Variants in EXOC6B observed in about 807,000 individuals in gnomAD.
EXOC6B encodes SEC15 homolog B.
A neutral mutation model predicts 113.5 loss-of-function variants in EXOC6B; 54 were observed. The ratio of observed to expected loss-of-function variants is 0.48; its 90% CI spans 0.38 to 0.60. The LOEUF (loss-of-function observed/expected upper bound fraction) is 0.60. EXOC6B is among the 20% of genes least tolerant of loss of function. The pLI is 0.00. For missense variants in EXOC6B, 797 were observed against 977.5 expected, an observed-to-expected ratio of 0.82 and a Z score of 2.46; for synonymous variants, 357 against 339.0, an observed-to-expected ratio of 1.05 and a Z score of -0.58.
chr2:72,569,120 G>A (rs1000792516), intron 7 of EXOC6B, among the ~76,000 whole-genome samples: 2 of 151,872 alleles, frequency 1.3e-5, no homozygotes, highest in African/African-American at 4.8e-5. Context: ...TTGTCCTTTT[G>A]GTATTTCATT....
intron 6 of EXOC6B, among the ~76,000 whole-genome samples, chr2:72,577,946 T>A (rs1704979602): frequency 6.6e-6 from 1 of 152,092 alleles, no homozygotes; most frequent in Admixed American, 6.5e-5. Flanking sequence ...TAGTTGTTCA[T>A]TCTATTTGTA....
chr2:72,394,309 G>A (rs1288397028), intron 18 of EXOC6B, among the ~76,000 whole-genome samples: 1 of 152,046 alleles, frequency 6.6e-6, no homozygotes, highest in Non-Finnish European at 1.5e-5. Flanking sequence ...GTGCAAAAAA[G>A]TGGAAAATGT....
chr2:72,472,178 T>C (rs1039503373), intron 17 of EXOC6B, among the ~76,000 whole-genome samples: 28 of 152,194 alleles, frequency 1.8e-4, no homozygotes, highest in African/African-American at 6.8e-4. Context: ...TAGTTTTCTT[T>C]TGTTGTTGTT....
At chr2:72,424,218 G>A (rs938398836) in intron 18 of EXOC6B, among the ~76,000 whole-genome samples, 9 of 151,706 alleles carry the variant, frequency 5.9e-5, no homozygotes, top group African/African-American at 2.2e-4. Flanking sequence ...AAGCCATCCA[G>A]AAGATGTAAT....
intron 6 of EXOC6B, among the ~76,000 whole-genome samples, chr2:72,678,094 C>G (rs1342481900): frequency 1.3e-5 from 2 of 152,244 alleles, no homozygotes; most frequent in African/African-American, 4.8e-5. Context: ...AGGACCCTGA[C>G]AGCCTGACAA....
At chr2:72,313,927 A>G (rs1484587297) in intron 20 of EXOC6B, among the ~76,000 whole-genome samples, 2 of 152,206 alleles carry the variant, frequency 1.3e-5, no homozygotes, top group Non-Finnish European at 2.9e-5. Flanking sequence ...AGCTGTTGCC[A>G]GATGCCCTGT....
intron 6 of EXOC6B, among the ~76,000 whole-genome samples, chr2:72,646,780 A>T (rs1399628711): frequency 6.6e-6 from 1 of 152,224 alleles, no homozygotes; most frequent in Admixed American, 6.5e-5. Context: ...TCAATAAACT[A>T]GGTATTGATG....
intron 18 of EXOC6B, among the ~76,000 whole-genome samples, chr2:72,436,385 C>T (rs1163184524): frequency 1.3e-5 from 2 of 152,054 alleles, no homozygotes; most frequent in Non-Finnish European, 2.9e-5. Flanking sequence ...CTCGGGGTTA[C>T]TCTTCTCAAA....
At chr2:72,604,308 G>C (rs953809299) in intron 6 of EXOC6B, among the ~76,000 whole-genome samples, 5 of 152,064 alleles carry the variant, frequency 3.3e-5, no homozygotes, top group Non-Finnish European at 7.4e-5. Flanking sequence ...AGTAAACTCT[G>C]GTTTCAGATT....
At chr2:72,672,397 G>A (rs1045618581) in intron 6 of EXOC6B, among the ~76,000 whole-genome samples, 4 of 151,802 alleles carry the variant, frequency 2.6e-5, no homozygotes, top group South Asian at 2.1e-4. Context: ...TTGGGAGGCT[G>A]AGGCAGGCGG....
intron 6 of EXOC6B, among the ~76,000 whole-genome samples, chr2:72,642,458 C>A (rs1254695950): frequency 1.4e-5 from 2 of 146,278 alleles, no homozygotes; most frequent in Non-Finnish European, 1.5e-5. Flanking sequence ...GAAATAACGC[C>A]ACATATCTAC....
intron 6 of EXOC6B, among the ~76,000 whole-genome samples, chr2:72,629,853 A>G (rs912091646): frequency 1.3e-5 from 2 of 152,128 alleles, no homozygotes; most frequent in African/African-American, 4.8e-5. Context: ...TACCCACAAC[A>G]TGCCATCCCC....
intron 18 of EXOC6B, among the ~76,000 whole-genome samples, chr2:72,409,086 C>CT (rs1693987725): frequency 6.6e-6 from 1 of 152,146 alleles, no homozygotes; most frequent in East Asian, 1.9e-4. Context: ...CAAAAGAAGA[C>CT]ATTTATGCAG....
intron 16 of EXOC6B, among the ~76,000 whole-genome samples, chr2:72,483,593 C>T (rs1472335161): frequency 6.6e-6 from 1 of 152,166 alleles, no homozygotes; most frequent in Non-Finnish European, 1.5e-5. Flanking sequence ...TGAAATGTTT[C>T]ATTGCTGAGC....
intron 5 of EXOC6B, among the ~76,000 whole-genome samples, chr2:72,727,713 G>A (rs903071979): frequency 9.2e-5 from 14 of 152,030 alleles, no homozygotes; most frequent in African/African-American, 3.1e-4. Flanking sequence ...AAAAGACACC[G>A]TTATTTATAC....
At chr2:72,240,010 G>C (rs1389157992) in intron 20 of EXOC6B, among the ~76,000 whole-genome samples, 2 of 151,926 alleles carry the variant, frequency 1.3e-5, no homozygotes, top group Non-Finnish European at 2.9e-5. Flanking sequence ...AATATACCAA[G>C]GTACAAGTAC....
At chr2:72,823,481 A>AAAAAAAAAAAAAAAAAAAC (rs1686712006) in intron 1 of EXOC6B, among the ~76,000 whole-genome samples, 1 of 142,212 alleles carries the variant, frequency 7.0e-6, no homozygotes, top group African/African-American at 2.7e-5. Context: ...AAAAAAAACA[A>AAAAAAAAAAAAAAAAAAAC]AAAACAAAAA....
rs1417181710 is a variant in EXOC6B at position 72,488,029 on chromosome 2, T to C, written c.1665+4289A>G. Among the ~76,000 whole-genome samples, 6 of 152,196 alleles carry C rather than the reference T, an allele frequency of 3.9e-5. No individual in the cohort carries two copies. In the East Asian group the frequency reaches 1.2e-3, roughly 29 times the overall value. Reference sequence around the variant, plus strand: ...ATTCCTCTCTGCAGGAGCCATTCTCTTTAAAACCTACTCAATCAGGAGTTT... The same window carrying C: ...ATTCCTCTCTGCAGGAGCCATTCTCCTTAAAACCTACTCAATCAGGAGTTT... On this transcript the variant is annotated intron_variant, in intron 16 of 21. Coordinates refer to ENST00000272427, the MANE Select transcript of EXOC6B (RefSeq NM_015189.3).
chr2:72,630,811 A>G (rs995326184), intron 6 of EXOC6B, among the ~76,000 whole-genome samples: 1 of 152,202 alleles, frequency 6.6e-6, no homozygotes, highest in African/African-American at 2.4e-5. Flanking sequence ...ATTAATAGCA[A>G]TCCTAAATCA....
Sources: gnomAD v4.1 joint callset for allele counts (sites outside exome capture counted in the v4.1 genomes callset) on GRCh38, gnomAD v4.1.1 for gene constraint, MANE v1.5 for transcripts, NCBI Gene and HGNC (gene_info 2026-07-23, HGNC 2026-07-21) for gene names.